Variants in NYAP2 observed in about 807,000 individuals in gnomAD.
NYAP2 encodes neuronal tyrosine-phosphorylated phosphoinositide-3-kinase adaptor 2, also known as neuronal tyrosine-phosphorylated phosphoinositide-3-kinase adapter 2.
A neutral mutation model predicts 50.4 loss-of-function variants in NYAP2; 23 were observed. The ratio of observed to expected loss-of-function variants is 0.46; its 90% confidence interval spans 0.33 to 0.65. The LOEUF is 0.65. NYAP2 is among the 30% of genes least tolerant of loss of function. The pLI, the probability that NYAP2 is intolerant of heterozygous loss-of-function variation, is 0.02. For missense variants in NYAP2, 885 were observed against 861.0 expected, an observed-to-expected ratio of 1.03 and a Z score of -0.35; for synonymous variants, 394 against 365.2, an observed-to-expected ratio of 1.08 and a Z score of -0.90.
At chr2:225,461,318 T>C (rs73082876) in intron 3 of NYAP2, among the ~76,000 whole-genome samples, 1,745 of 152,312 alleles carry the variant, frequency 0.011, 38 homozygotes, top group African/African-American at 0.04. Flanking sequence ...CAGCCTGAAA[T>C]TGCACCCAGG....
At chr2:225,618,674 T>G (rs1190734864) in intron 5 of NYAP2, among the ~76,000 whole-genome samples, 1 of 152,134 alleles carries the variant, frequency 6.6e-6, no homozygotes, top group Non-Finnish European at 1.5e-5. Context: ...AGAAAACAAC[T>G]CATCATCTCC....
the NYAP2 span, chr2:225,700,103 A>C: frequency 4.0e-5 from 6 of 151,876 alleles, no homozygotes; most frequent in Non-Finnish European, 7.4e-5. Context: ...GGAGTTAGAG[A>C]ATCTTTGTAA....
intron 3 of NYAP2, among the ~76,000 whole-genome samples, chr2:225,501,464 G>T (rs754371403): frequency 6.6e-5 from 10 of 152,178 alleles, no homozygotes; most frequent in East Asian, 1.9e-4. Flanking sequence ...ATGAGAGAGA[G>T]ATATTGGTAG....
intron 5 of NYAP2, among the ~76,000 whole-genome samples, chr2:225,610,047 T>C (rs1692852859): frequency 6.6e-6 from 1 of 152,150 alleles, no homozygotes; most frequent in Admixed American, 6.6e-5. Flanking sequence ...CTCATAGTTC[T>C]TAGAAGACAT....
chr2:225,683,018 C>T, the NYAP2 span, among the ~76,000 whole-genome samples: 6 of 152,088 alleles, frequency 3.9e-5, no homozygotes, highest in Non-Finnish European at 7.3e-5. Context: ...TTTCCCCCCC[C>T]CATTCTGTTC....
At chr2:225,455,375 A>G (rs1013956548) in intron 3 of NYAP2, among the ~76,000 whole-genome samples, 1 of 152,222 alleles carries the variant, frequency 6.6e-6, no homozygotes, top group Non-Finnish European at 1.5e-5. Flanking sequence ...ATCTATATCC[A>G]TATCCCTATT....
At chr2:225,656,088 A>T (rs1053694245), downstream of NYAP2, among the ~76,000 whole-genome samples, 1 of 152,150 alleles carries the variant, frequency 6.6e-6, no homozygotes, top group Non-Finnish European at 1.5e-5. Context: ...TGTTTATCAC[A>T]CTAAACTGAA....
At chr2:225,470,966 CT>C (rs1690005198) in intron 3 of NYAP2, among the ~76,000 whole-genome samples, 1 of 151,980 alleles carries the variant, frequency 6.6e-6, no homozygotes, top group Non-Finnish European at 1.5e-5. Flanking sequence ...TTCTTGATTT[CT>C]TTTTAGATGG....
At chr2:225,531,869 T>C (rs376426903) in intron 4 of NYAP2, among the ~76,000 whole-genome samples, 8 of 152,366 alleles carry the variant, frequency 5.3e-5, no homozygotes, top group African/African-American at 1.9e-4. Flanking sequence ...TCAGTTGTTT[T>C]GTATTTATGA....
intron 3 of NYAP2, among the ~76,000 whole-genome samples, chr2:225,421,705 C>T (rs1370097319): frequency 4.6e-5 from 7 of 152,208 alleles, no homozygotes; most frequent in Admixed American, 1.3e-4. Context: ...GTATTCTCTC[C>T]GGCCTAGTGG....
chr2:225,662,393 C>T, the NYAP2 span, among the ~76,000 whole-genome samples: 8 of 152,210 alleles, frequency 5.3e-5, no homozygotes, highest in African/African-American at 1.2e-4. Flanking sequence ...AACATATCCT[C>T]GCCCACACAT....
chr2:225,570,678 A>C (rs1210696915), intron 4 of NYAP2, among the ~76,000 whole-genome samples: 1 of 152,212 alleles, frequency 6.6e-6, no homozygotes. Context: ...CATGGGGATT[A>C]TGGGAACTAT....
intron 3 of NYAP2, among the ~76,000 whole-genome samples, chr2:225,510,663 G>T (rs906730272): frequency 6.6e-6 from 1 of 152,066 alleles, no homozygotes; most frequent in African/African-American, 2.4e-5. Context: ...ATCCAAATTT[G>T]TTTTTGTCCT....
At chr2:225,527,793 A>T (rs772791340) in intron 4 of NYAP2, among the ~76,000 whole-genome samples, 19 of 152,040 alleles carry the variant, frequency 1.2e-4, no homozygotes, top group Non-Finnish European at 2.8e-4. Flanking sequence ...GACTACAGTT[A>T]TGTGTCACCA....
At chr2:225,533,633 G>A (rs989848688) in intron 4 of NYAP2, among the ~76,000 whole-genome samples, 2 of 151,868 alleles carry the variant, frequency 1.3e-5, no homozygotes, top group Non-Finnish European at 2.9e-5. Flanking sequence ...AGGTTGCAGT[G>A]AGCCAAGATC....
intron 5 of NYAP2, among the ~76,000 whole-genome samples, chr2:225,599,128 C>T (rs1559226155): frequency 6.6e-6 from 1 of 152,100 alleles, no homozygotes; most frequent in Non-Finnish European, 1.5e-5. Context: ...ACTGTGGAAG[C>T]TATTGAGCAA....
chr2:225,576,481 G>A (rs1177492154), intron 4 of NYAP2, among the ~76,000 whole-genome samples: 2 of 152,208 alleles, frequency 1.3e-5, no homozygotes, highest in Non-Finnish European at 2.9e-5. Context: ...ATCCTTCAGA[G>A]TCATGGAGTT....
At chr2:225,528,482 C>G (rs1691195132) in intron 4 of NYAP2, among the ~76,000 whole-genome samples, 2 of 152,164 alleles carry the variant, frequency 1.3e-5, no homozygotes, top group South Asian at 4.1e-4. Flanking sequence ...AGAAAATACA[C>G]TCTTTAGTCC....
At chr2:225,431,459 G>T (rs1177339220) in intron 3 of NYAP2, among the ~76,000 whole-genome samples, 1 of 152,210 alleles carries the variant, frequency 6.6e-6, no homozygotes, top group Non-Finnish European at 1.5e-5. Context: ...CAACTCCCAA[G>T]ATCCTGTGTA....
Sources: gnomAD v4.1 joint callset for allele counts (sites outside exome capture counted in the v4.1 genomes callset) on GRCh38, gnomAD v4.1.1 for gene constraint, MANE v1.5 for transcripts, NCBI Gene and HGNC (gene_info 2026-07-23, HGNC 2026-07-21) for gene names.